The following GRM5 variants were observed in gnomAD, a reference collection of about 807,000 sequenced individuals.
The protein encoded by GRM5 is metabotropic glutamate receptor 5.
Under a neutral mutation model 83.1 loss-of-function variants are expected in GRM5, and 19 were observed. The ratio of observed to expected loss-of-function variants is 0.23; its 90% CI spans 0.16 to 0.34. The LOEUF (loss-of-function observed/expected upper bound fraction) is 0.34, where lower values mean the gene tolerates loss of function less well. Among genes scored for constraint, GRM5 ranks in the 10% least tolerant of loss-of-function variants. The pLI, the probability that GRM5 is intolerant of heterozygous loss-of-function variation, is 1.00. For synonymous variants in GRM5, 675 were observed against 633.6 expected (o/e 1.07, Z -0.98); for missense variants, 1,160 against 1,588.3 (o/e 0.73, Z 4.58).
At chr11:88,610,210 T>C (rs1021688024) in intron 4 of GRM5, among the ~76,000 whole-genome samples, 2 of 152,072 alleles carry the variant, frequency 1.3e-5, no homozygotes, top group South Asian at 2.1e-4. Context: ...GAGATCTTTT[T>C]GATTCTGTAT....
chr11:88,882,367 C>T (rs941943326), intron 2 of GRM5, among the ~76,000 whole-genome samples: 55 of 147,380 alleles, frequency 3.7e-4, no homozygotes, highest in Admixed American at 5.5e-4. Context: ...CTGGCTAACA[C>T]GGTGAAACCC....
At chr11:89,019,698 A>G (rs1940936965) in intron 2 of GRM5, among the ~76,000 whole-genome samples, 1 of 152,072 alleles carries the variant, frequency 6.6e-6, no homozygotes, top group South Asian at 2.1e-4. Flanking sequence ...ACAGAGCAAA[A>G]CTCTGTCAAA....
chr11:89,043,303 A>G (rs973465795), intron 2 of GRM5, among the ~76,000 whole-genome samples: 1 of 152,224 alleles, frequency 6.6e-6, no homozygotes, highest in Non-Finnish European at 1.5e-5. Flanking sequence ...AATCTTGTCA[A>G]TCACCCAGGA....
intron 9 of GRM5, among the ~76,000 whole-genome samples, chr11:88,517,185 TTC>T (rs1313545532): frequency 6.6e-6 from 1 of 151,792 alleles, no homozygotes; most frequent in Non-Finnish European, 1.5e-5. Flanking sequence ...CTCATTTACA[TTC>T]TTTTAATCTT....
intron 3 of GRM5, among the ~76,000 whole-genome samples, chr11:88,723,795 C>T (rs1489649146): frequency 1.3e-5 from 2 of 152,094 alleles, no homozygotes; most frequent in Admixed American, 6.6e-5. Flanking sequence ...CTCATGCTTA[C>T]TCTTGTAGCA....
intron 2 of GRM5, among the ~76,000 whole-genome samples, chr11:88,974,375 A>AGATAGAT (rs1305940537): frequency 5.5e-4 from 12 of 21,818 alleles, no homozygotes; most frequent in African/African-American, 5.6e-4. Flanking sequence ...CTGGCAATAG[A>AGATAGAT]GATAGATAGA....
At chr11:89,036,997 T>A (rs542551142) in intron 2 of GRM5, among the ~76,000 whole-genome samples, 8 of 152,054 alleles carry the variant, frequency 5.3e-5, no homozygotes, top group Non-Finnish European at 1.2e-4. Flanking sequence ...TTCATATAAT[T>A]TTTGGGACAC....
intron 4 of GRM5, among the ~76,000 whole-genome samples, chr11:88,647,250 C>T (rs1332732104): frequency 6.6e-6 from 1 of 151,922 alleles, no homozygotes; most frequent in Non-Finnish European, 1.5e-5. Context: ...GAGCCTATTT[C>T]TAAAGAAGAT....
chr11:88,904,093 T>A (rs1012209102), intron 2 of GRM5, among the ~76,000 whole-genome samples: 3 of 152,134 alleles, frequency 2.0e-5, no homozygotes, highest in African/African-American at 7.2e-5. Flanking sequence ...AGCCAACTGA[T>A]GAAGAGGATG....
intron 5 of GRM5, among the ~76,000 whole-genome samples, chr11:88,599,011 T>C (rs1937899876): frequency 6.6e-6 from 1 of 152,212 alleles, no homozygotes; most frequent in African/African-American, 2.4e-5. Flanking sequence ...CCTTTAGATT[T>C]CAAGTCTGCA....
chr11:88,900,294 C>T, intron 2 of GRM5, among the ~76,000 whole-genome samples: 1 of 152,128 alleles, frequency 6.6e-6, no homozygotes, highest in African/African-American at 2.4e-5. Context: ...AGTTGATTTC[C>T]ATGGCACAAG....
At chr11:88,881,266 C>A (rs1225287133) in intron 2 of GRM5, among the ~76,000 whole-genome samples, 1 of 151,222 alleles carries the variant, frequency 6.6e-6, no homozygotes, top group African/African-American at 2.4e-5. Flanking sequence ...TTGAGACTGT[C>A]ATAATGATTT....
At chr11:88,815,555 G>A (rs1359323310) in intron 3 of GRM5, among the ~76,000 whole-genome samples, 1 of 152,172 alleles carries the variant, frequency 6.6e-6, no homozygotes, top group African/African-American at 2.4e-5. Context: ...ATGTATAGAA[G>A]GTTCAAGATT....
At chr11:88,605,745 C>G (rs1205521962) in intron 4 of GRM5, among the ~76,000 whole-genome samples, 1 of 152,072 alleles carries the variant, frequency 6.6e-6, no homozygotes, top group Admixed American at 6.6e-5. Context: ...TGAGAAATAT[C>G]CCTTCCAATA....
At chr11:88,734,765 T>C (rs534942869) in intron 3 of GRM5, among the ~76,000 whole-genome samples, 1 of 152,176 alleles carries the variant, frequency 6.6e-6, no homozygotes, top group African/African-American at 2.4e-5. Flanking sequence ...ATATAACACT[T>C]GGTACAGTAA....
In GRM5 at chr11:88,505,182, C is replaced by G. The variant is rs1019906779; in HGVS notation, c.*3410G>C. 6.6e-6 allele frequency: 1 copy of G among 152,124 alleles called. No homozygotes were observed. The allele number at this position is 152,124 out of a possible 1,614,324, so 9.4% of individuals were successfully genotyped here. On this transcript the variant is annotated 3_prime_UTR_variant, in exon 10 of 10. Transcript: ENST00000305447. ...GCTTTCACTGATCTGTATTTTTTCACAGTATAAAATTGTAAATGGTAACTA... is the reference window on the plus strand; with the variant it reads ...GCTTTCACTGATCTGTATTTTTTCAGAGTATAAAATTGTAAATGGTAACTA...
intron 2 of GRM5, among the ~76,000 whole-genome samples, chr11:88,953,698 A>C (rs1938528392): frequency 1.3e-5 from 2 of 152,170 alleles, no homozygotes; most frequent in Non-Finnish European, 2.9e-5. Flanking sequence ...CCTATGTTGG[A>C]TACTTAATTC....
chr11:88,508,338 T>C lies in GRM5; in HGVS notation c.*254A>G. On this transcript the variant is annotated 3_prime_UTR_variant, in exon 10 of 10. Coordinates refer to ENST00000305447, the MANE Select transcript of GRM5 (RefSeq NM_001143831.3). This position sits in a 1 kb window ranked among gnomAD's most constrained non-coding sequence, Gnocchi z 4.2. ...GTTTGAAGAGACGCCTTGTCAGCCCTCAAAGATATCAGCCGTGTTTCTTAA... is the reference window on the plus strand; with the variant it reads ...GTTTGAAGAGACGCCTTGTCAGCCCCCAAAGATATCAGCCGTGTTTCTTAA... 2.5e-6 allele frequency: 1 copy of C among 396,374 alleles called. No homozygotes were observed. Among genetic ancestry groups the C allele is most frequent in the South Asian group, 3.8e-5 (1 of 26,416 alleles). The allele number at this position is 396,374 out of a possible 1,614,324, so 24.6% of individuals were successfully genotyped here.
At chr11:88,654,821 A>T (rs7103658) in intron 3 of GRM5, among the ~76,000 whole-genome samples, 2,094 of 152,228 alleles carry the variant, frequency 0.014, 46 homozygotes, top group African/African-American at 0.049. Context: ...TTTTGCATAA[A>T]AAATCAGTGC....
Sources: gnomAD v4.1 joint callset for allele counts (sites outside exome capture counted in the v4.1 genomes callset) on GRCh38, gnomAD v4.1.1 for gene constraint, Gnocchi (gnomAD v3.1) non-coding constraint, MANE v1.5 for transcripts, NCBI Gene and HGNC (gene_info 2026-07-23, HGNC 2026-07-21) for gene names.